Variants in DAB1 observed in about 807,000 individuals in gnomAD.
DAB1 encodes the protein DAB adaptor protein 1.
A neutral mutation model predicts 64.6 loss-of-function variants in DAB1; 15 were observed. The observed-to-expected ratio is 0.23, with a 90% CI of 0.16 to 0.36. DAB1 has a LOEUF of 0.36. Among genes scored for constraint, DAB1 ranks in the 10% least tolerant of loss-of-function variants. The pLI is 1.00. For missense variants in DAB1, 596 were observed against 706.7 expected (o/e 0.84, Z 1.78); for synonymous variants, 235 against 251.9 (o/e 0.93, Z 0.64).
At chr1:58,501,695 C>T (rs1177023653) in intron 3 of DAB1, among the ~76,000 whole-genome samples, 1 of 152,162 alleles carries the variant, frequency 6.6e-6, no homozygotes, top group Non-Finnish European at 1.5e-5. Flanking sequence ...TTTTACACTG[C>T]TATTCCTGCA....
chr1:57,775,791 G>T (rs1220710050), intron 6 of DAB1, among the ~76,000 whole-genome samples: 1 of 151,488 alleles, frequency 6.6e-6, no homozygotes, highest in East Asian at 1.9e-4. Flanking sequence ...ATTACTGAGA[G>T]AAGAAATGTT....
At chr1:57,254,867 A>G (rs746779162) in intron 2 of DAB1, among the ~76,000 whole-genome samples, 2 of 152,190 alleles carry the variant, frequency 1.3e-5, no homozygotes, top group Non-Finnish European at 2.9e-5. Context: ...ACATACACAC[A>G]CACACACAAT....
intron 6 of DAB1, among the ~76,000 whole-genome samples, chr1:57,740,900 G>A (rs116329620): frequency 0.013 from 1,992 of 152,278 alleles, 39 homozygotes; most frequent in African/African-American, 0.045. Flanking sequence ...GGTTAACGAC[G>A]TATTGGGCAG....
At chr1:57,302,961 AAC>A (rs1673792125) in intron 1 of DAB1, among the ~76,000 whole-genome samples, 1 of 152,198 alleles carries the variant, frequency 6.6e-6, no homozygotes, top group African/African-American at 2.4e-5. Context: ...TGCCACATCT[AAC>A]TACAGTATTA....
chr1:57,654,606 T>A (rs918966732), intron 6 of DAB1, among the ~76,000 whole-genome samples: 2 of 152,240 alleles, frequency 1.3e-5, no homozygotes, highest in Non-Finnish European at 2.9e-5. Flanking sequence ...TAAAATGACA[T>A]ATTAAACTTC....
intron 7 of DAB1, among the ~76,000 whole-genome samples, chr1:57,504,468 A>G (rs372063817): frequency 6.6e-6 from 1 of 152,232 alleles, no homozygotes; most frequent in East Asian, 1.9e-4. Flanking sequence ...CAACAATTTG[A>G]GAATAAAAGA....
intron 5 of DAB1, among the ~76,000 whole-genome samples, chr1:58,104,927 C>T (rs1651543776): frequency 6.6e-6 from 1 of 151,872 alleles, no homozygotes; most frequent in African/African-American, 2.4e-5. Flanking sequence ...TATGGACTTT[C>T]AAAAAGGGAA....
chr1:57,194,658 C>T (rs77383153), intron 2 of DAB1, among the ~76,000 whole-genome samples: 9,261 of 152,224 alleles, frequency 0.061, 562 homozygotes, highest in African/African-American at 0.15. Context: ...TTTGCACATC[C>T]CCAACTCTCA....
chr1:57,933,277 T>C (rs1458198848), intron 5 of DAB1, among the ~76,000 whole-genome samples: 2 of 152,230 alleles, frequency 1.3e-5, no homozygotes, highest in East Asian at 1.9e-4. Context: ...CCTACCTGTG[T>C]TTCCAATCTG....
intron 4 of DAB1, among the ~76,000 whole-genome samples, chr1:58,313,840 T>C (rs960262174): frequency 5.6e-5 from 8 of 142,262 alleles, no homozygotes; most frequent in Non-Finnish European, 1.5e-5. Context: ...TGTGTGTGTG[T>C]GTGTGTGTGT....
chr1:58,315,898 T>TTTCCATTTCC (rs1553174677), intron 4 of DAB1, among the ~76,000 whole-genome samples: 3 of 152,182 alleles, frequency 2.0e-5, no homozygotes, highest in Non-Finnish European at 4.4e-5. Flanking sequence ...GGTGATTCCA[T>TTTCCATTTCC]AGAGGCTAAA....
chr1:57,055,754 A>G (rs1250628598), intron 9 of DAB1, among the ~76,000 whole-genome samples: 1 of 151,990 alleles, frequency 6.6e-6, no homozygotes, highest in Non-Finnish European at 1.5e-5. Context: ...GTTGGCTTTG[A>G]GTCCTACAAA....
At chr1:57,709,892 G>T (rs1353170629) in intron 6 of DAB1, among the ~76,000 whole-genome samples, 2 of 152,110 alleles carry the variant, frequency 1.3e-5, no homozygotes, top group Non-Finnish European at 2.9e-5. Context: ...TAGCTTCCAG[G>T]TAGCCCCTTT....
chr1:58,316,127 C>A (rs1231120836), intron 4 of DAB1, among the ~76,000 whole-genome samples: 1 of 152,202 alleles, frequency 6.6e-6, no homozygotes, highest in Non-Finnish European at 1.5e-5. Context: ...AATTCTTACT[C>A]CCCTGTGCTA....
chr1:57,343,445 C>T (rs1215082445), intron 1 of DAB1, among the ~76,000 whole-genome samples: 9 of 152,356 alleles, frequency 5.9e-5, no homozygotes, highest in Admixed American at 4.6e-4. Flanking sequence ...CCGCACCGTG[C>T]GCCCGCACTC....
chr1:57,854,174 C>T (rs1460168089), intron 1 of DAB1, among the ~76,000 whole-genome samples: 1 of 152,180 alleles, frequency 6.6e-6, no homozygotes, highest in Non-Finnish European at 1.5e-5. Context: ...ATAATTATTA[C>T]TCAGTGTACT....
At chr1:57,913,684 C>T (rs1450391733) in intron 5 of DAB1, among the ~76,000 whole-genome samples, 1 of 151,848 alleles carries the variant, frequency 6.6e-6, no homozygotes, top group Non-Finnish European at 1.5e-5. Flanking sequence ...AAAATTTTTG[C>T]AATCTACTCA....
At chr1:58,080,318 G>A (rs966248111) in intron 5 of DAB1, 1 of 152,160 alleles carries the variant, frequency 6.6e-6, no homozygotes, top group Non-Finnish European at 1.5e-5. Flanking sequence ...AAGGGTCCGT[G>A]ACTTCAAAAG....
At chr1:58,078,824 A>G (rs1190248243) in intron 5 of DAB1, among the ~76,000 whole-genome samples, 3 of 152,192 alleles carry the variant, frequency 2.0e-5, no homozygotes, top group Non-Finnish European at 4.4e-5. Flanking sequence ...AATAATATGA[A>G]AAAACAGGTT....
Sources: allele counts gnomAD v4.1 joint callset (sites outside exome capture counted in the v4.1 genomes callset), GRCh38; gene constraint gnomAD v4.1.1; transcripts MANE v1.5; gene names NCBI Gene and HGNC (gene_info 2026-07-23, HGNC 2026-07-21).